CADPS2: variants seen among roughly 807,000 people sequenced by gnomAD.
The protein encoded by CADPS2 is calcium dependent secretion activator 2.
Under a neutral mutation model 172.5 loss-of-function variants are expected in CADPS2, and 93 were observed. The observed-to-expected ratio is 0.54, with a 90% CI of 0.46 to 0.64. The LOEUF is 0.64. Ranked by LOEUF, CADPS2 falls within the 30% of genes least tolerant of loss-of-function variation. The pLI is 0.00. For missense variants in CADPS2, 1,420 were observed against 1,565.9 expected, an observed-to-expected ratio of 0.91 and a Z score of 1.57; for synonymous variants, 546 against 555.2, an observed-to-expected ratio of 0.98 and a Z score of 0.23.
At chr7:122,483,565 T>C (rs2057512515) in intron 11 of CADPS2, among the ~76,000 whole-genome samples, 1 of 152,076 alleles carries the variant, frequency 6.6e-6, no homozygotes, top group African/African-American at 2.4e-5. Context: ...ATAATGGACA[T>C]GTACAAAATG....
At chr7:122,857,830 G>A (rs1203493738) in intron 1 of CADPS2, among the ~76,000 whole-genome samples, 1 of 151,954 alleles carries the variant, frequency 6.6e-6, no homozygotes, top group African/African-American at 2.4e-5. Context: ...CAGTTCTTAA[G>A]GATGGTGTGT....
intron 20 of CADPS2, among the ~76,000 whole-genome samples, chr7:122,394,043 T>C (rs953524129): frequency 6.6e-6 from 1 of 152,206 alleles, no homozygotes. Context: ...AAAGCTATTC[T>C]TGTTCACTAG....
chr7:122,324,074 C>CA (rs2033297869), intron 29 of CADPS2, among the ~76,000 whole-genome samples: 1 of 151,698 alleles, frequency 6.6e-6, no homozygotes, highest in Admixed American at 6.6e-5. Context: ...AAATAAATAA[C>CA]ACCATATAAG....
chr7:122,702,301 T>C, intron 2 of CADPS2: 1 of 1,613,862 alleles, frequency 6.2e-7, no homozygotes, highest in Non-Finnish European at 8.5e-7. Context: ...TCACCGCGAC[T>C]ATATTTTCCG....
intron 1 of CADPS2, among the ~76,000 whole-genome samples, chr7:122,877,288 T>A (rs942175172): frequency 1.1e-4 from 16 of 152,324 alleles, no homozygotes; most frequent in African/African-American, 3.8e-4. Flanking sequence ...CAGAATTCTA[T>A]CCAAGAATCC....
intron 1 of CADPS2, among the ~76,000 whole-genome samples, chr7:122,764,849 G>C (rs548025892): frequency 6.6e-6 from 1 of 151,978 alleles, no homozygotes; most frequent in Non-Finnish European, 1.5e-5. Context: ...AGTTTCCACC[G>C]AGCCATTTCA....
intron 17 of CADPS2, among the ~76,000 whole-genome samples, chr7:122,427,892 C>T (rs186136182): frequency 2.0e-4 from 30 of 152,164 alleles, no homozygotes; most frequent in South Asian, 8.3e-4. Context: ...TAAGTCATCC[C>T]TCCTAGGTCA....
At chr7:122,645,017 G>A (rs2078148498) in intron 3 of CADPS2, among the ~76,000 whole-genome samples, 1 of 151,812 alleles carries the variant, frequency 6.6e-6, no homozygotes, top group Non-Finnish European at 1.5e-5. Flanking sequence ...TTAGAACAGG[G>A]AAAAGATGAA....
intron 14 of CADPS2, among the ~76,000 whole-genome samples, chr7:122,459,891 TAGAC>T (rs1563397261): frequency 6.6e-6 from 1 of 152,114 alleles, no homozygotes; most frequent in Non-Finnish European, 1.5e-5. Flanking sequence ...AAATAAAAAT[TAGAC>T]AATAAGTATA....
chr7:122,430,735 A>T (rs1309671436), intron 17 of CADPS2, among the ~76,000 whole-genome samples: 2 of 152,230 alleles, frequency 1.3e-5, no homozygotes, highest in African/African-American at 4.8e-5. Flanking sequence ...TTTCAAAATA[A>T]CTGTTTCTAT....
chr7:122,372,524 A>G (rs565436163), intron 25 of CADPS2, among the ~76,000 whole-genome samples: 23 of 152,314 alleles, frequency 1.5e-4, no homozygotes, highest in African/African-American at 5.1e-4. Flanking sequence ...ATGTGAGGTA[A>G]GAAGAGGATC....
intron 2 of CADPS2, among the ~76,000 whole-genome samples, chr7:122,667,269 G>C (rs1222282716): frequency 2.0e-5 from 3 of 152,170 alleles, no homozygotes; most frequent in African/African-American, 7.2e-5. Context: ...GAATATCTTA[G>C]GAGGGACATC....
At chr7:122,837,652 T>C (rs1808949081) in intron 1 of CADPS2, among the ~76,000 whole-genome samples, 1 of 152,132 alleles carries the variant, frequency 6.6e-6, no homozygotes, top group Non-Finnish European at 1.5e-5. Context: ...TATAAACACC[T>C]CTATGCAAAT....
intron 14 of CADPS2, 44 bp downstream of exon 14, chr7:122,471,331 A>T: frequency 6.7e-7 from 1 of 1,500,376 alleles, no homozygotes; most frequent in South Asian, 1.3e-5. Context: ...TCTTTTCCAT[A>T]GTCAACCCCA....
chr7:122,747,437 A>C (rs1477839641), intron 1 of CADPS2, among the ~76,000 whole-genome samples: 2 of 152,148 alleles, frequency 1.3e-5, no homozygotes, highest in Admixed American at 6.6e-5. Flanking sequence ...TTAAATAATG[A>C]GGGACTCATT....
rs889594891 is a variant in CADPS2, at chr7:122,400,439, A to G, written c.2747-6857T>C. 7.2e-5 allele frequency among the ~76,000 whole-genome samples: 11 copies of G among 152,132 alleles called. 2 individuals are homozygous for G. Among genetic ancestry groups the G allele is most frequent in the Admixed American group, 6.5e-4 (10 of 15,274 alleles). On this transcript the variant is annotated intron_variant, in intron 20 of 29. Transcript: ENST00000449022. The stretch of plus-strand genomic sequence containing the variant: ...GCAATAAGAGCGAAACTCCATCTCA[A>G]AAAACAAAACAAAAACAAAAACAAA...
intron 2 of CADPS2, among the ~76,000 whole-genome samples, chr7:122,668,412 AAAAAAAC>A (rs997092347): frequency 1.1e-4 from 16 of 151,856 alleles, no homozygotes; most frequent in African/African-American, 3.9e-4. Context: ...TAAAAAAAAA[AAAAAAAC>A]AAAAACAAAC....
intron 1 of CADPS2, among the ~76,000 whole-genome samples, chr7:122,799,806 C>CT (rs1180862713): frequency 1.3e-5 from 2 of 152,078 alleles, no homozygotes; most frequent in Non-Finnish European, 2.9e-5. Flanking sequence ...TGTTCACTTT[C>CT]TATCATAGAG....
chr7:122,581,373 T>G, intron 6 of CADPS2, 83 bp from the exon 7 acceptor site: 1 of 1,010,952 alleles, frequency 9.9e-7, no homozygotes, highest in Non-Finnish European at 1.5e-6. Context: ...GAAGGCAAAT[T>G]AAATACAGAA....
Sources: allele counts gnomAD v4.1 joint callset (sites outside exome capture counted in the v4.1 genomes callset), GRCh38; gene constraint gnomAD v4.1.1; transcripts MANE v1.5; gene names NCBI Gene and HGNC (gene_info 2026-07-23, HGNC 2026-07-21).